Variants in FARP1 observed in about 807,000 individuals in gnomAD.
FARP1 encodes the protein FERM, ARHGEF and pleckstrin domain-containing protein 1.
A neutral mutation model predicts 128.8 loss-of-function variants in FARP1; 52 were observed. The observed-to-expected ratio is 0.40, with a 90% CI of 0.32 to 0.51. FARP1 has a LOEUF of 0.51. Ranked by LOEUF, FARP1 falls within the 20% of genes least tolerant of loss-of-function variation. The probability of loss-of-function intolerance (pLI) is 0.45; values close to 1 mark genes in which losing one functional copy is unlikely to be tolerated. For synonymous variants in FARP1, 580 were observed against 551.8 expected, an observed-to-expected ratio of 1.05 and a Z score of -0.72; for missense variants, 1,333 against 1,367.9, an observed-to-expected ratio of 0.97 and a Z score of 0.40.
intron 2 of FARP1, among the ~76,000 whole-genome samples, chr13:98,270,432 G>T (rs1200722656): frequency 6.6e-6 from 1 of 152,216 alleles, no homozygotes; most frequent in Admixed American, 6.5e-5. Context: ...GGTTTTAAAT[G>T]TGGACATGGG....
chr13:98,266,485 C>T (rs191566207), intron 2 of FARP1, among the ~76,000 whole-genome samples: 1 of 152,194 alleles, frequency 6.6e-6, no homozygotes, highest in African/African-American at 2.4e-5. Context: ...ACAGCAAACT[C>T]CTATCAGGCC....
At chr13:98,193,643 C>A (rs1378542127) in intron 1 of FARP1, among the ~76,000 whole-genome samples, 2 of 152,230 alleles carry the variant, frequency 1.3e-5, no homozygotes, top group African/African-American at 4.8e-5. Context: ...GCACATTCTT[C>A]AAGTAGCAAC....
At chr13:98,435,743 A>G (rs1159365514) in intron 19 of FARP1, 37 bp downstream of exon 19, 2 of 1,609,246 alleles carry the variant, frequency 1.2e-6, no homozygotes. Flanking sequence ...CTGCGCGGGG[A>G]GCAGAAAGGA....
rs10684013 is a variant in FARP1 at position 98,313,313 on chromosome 13, A to AACACAC, written c.172-30428_172-30423dup. ...GGGTCATAATCCTCCCCTTCCCCCAAACACACACACACACACACACACACA... is the reference window on the plus strand; with the variant it reads ...GGGTCATAATCCTCCCCTTCCCCCAAACACACACACACACACACACACACACACACA... On this transcript the variant is annotated intron_variant, in intron 2 of 26. Transcript: ENST00000319562. 4.3e-3 allele frequency among the ~76,000 whole-genome samples: 605 copies of AACACAC among 139,440 alleles called. 17 individuals are homozygous for AACACAC. The East Asian group carries it at 0.08, about 18-fold the overall frequency. 91.5% of individuals were successfully genotyped at this position (139,440 alleles called of 152,430 possible).
At chr13:98,251,368 C>CT (rs1446790547) in intron 2 of FARP1, among the ~76,000 whole-genome samples, 1 of 152,164 alleles carries the variant, frequency 6.6e-6, no homozygotes, top group African/African-American at 2.4e-5. Flanking sequence ...ATATAGACGA[C>CT]TTTATTTGCT....
intron 1 of FARP1, among the ~76,000 whole-genome samples, chr13:98,187,079 T>G: frequency 6.6e-6 from 1 of 151,844 alleles, no homozygotes; most frequent in East Asian, 1.9e-4. Context: ...TCTTTTGAGT[T>G]TATACCCAGA....
chr13:98,200,187 A>T (rs2139265255), intron 1 of FARP1, among the ~76,000 whole-genome samples: 2 of 152,300 alleles, frequency 1.3e-5, no homozygotes, highest in Admixed American at 1.3e-4. Context: ...GGCACTCACG[A>T]CCTTTGGCAC....
At chr13:98,213,893 G>A (rs935502798) in intron 2 of FARP1, among the ~76,000 whole-genome samples, 1 of 152,110 alleles carries the variant, frequency 6.6e-6, no homozygotes, top group African/African-American at 2.4e-5. Context: ...AAAGAGCCAC[G>A]TGTGTTTTCA....
In FARP1 at chr13:98,449,687, A is replaced by G. The variant is rs1268632374; in HGVS notation, c.*1370A>G. 6.6e-6 allele frequency: 1 copy of G among 152,540 alleles called. No homozygotes were observed. Among genetic ancestry groups the G allele is most frequent in the Non-Finnish European group, 1.5e-5 (1 of 68,024 alleles). The allele number at this position is 152,540 out of a possible 1,614,324, so 9.4% of individuals were successfully genotyped here. ...GTTAATCATTTGCCTTACAAGATGTACCAGACGGTTTCCAGTACTAACAAA... is the reference window on the plus strand; with the variant it reads ...GTTAATCATTTGCCTTACAAGATGTGCCAGACGGTTTCCAGTACTAACAAA... On this transcript the variant is annotated 3_prime_UTR_variant, in exon 27 of 27. Coordinates refer to ENST00000319562, the MANE Select transcript of FARP1 (RefSeq NM_005766.4).
intron 1 of FARP1, 61 bp downstream of exon 1, chr13:98,143,553 C>CG (rs1566657009): frequency 6.7e-6 from 1 of 149,678 alleles, no homozygotes; most frequent in East Asian, 2.0e-4. Context: ...GGGGTCCGGG[C>CG]CGCGGGCGGC....
rs1000284675 is a variant in FARP1, at chr13:98,453,348, A to G, written c.*5031A>G. The G allele has an allele frequency of 1.2e-6, 1 of 831,464 alleles. No homozygotes were observed. The highest frequency in any genetic ancestry group is 1.7e-5 in the African/African-American group (1 of 57,846). The allele number at this position is 831,464 out of a possible 1,614,324, so 51.5% of individuals were successfully genotyped here. The stretch of plus-strand genomic sequence containing the variant: ...ATAAGTGGAGCAAATATCAATGTGT[A>G]AGTCTAATTTTAAAAGAATGCATAT... On this transcript the variant is annotated 3_prime_UTR_variant, in exon 27 of 27. Coordinates refer to ENST00000319562, the MANE Select transcript of FARP1 (RefSeq NM_005766.4).
At chr13:98,408,608 C>T (rs1243269911) in intron 13 of FARP1, among the ~76,000 whole-genome samples, 8 of 152,124 alleles carry the variant, frequency 5.3e-5, no homozygotes, top group Admixed American at 5.2e-4. Context: ...GGATTACAGG[C>T]GCGAGCCACT....
intron 24 of FARP1, among the ~76,000 whole-genome samples, chr13:98,443,965 G>A (rs941421394): frequency 6.6e-6 from 1 of 152,072 alleles, no homozygotes; most frequent in African/African-American, 2.4e-5. Context: ...ACCAACCTCA[G>A]ACTGGGTGAG....
intron 1 of FARP1, among the ~76,000 whole-genome samples, chr13:98,209,244 G>A (rs1184619024): frequency 6.6e-6 from 1 of 151,740 alleles, no homozygotes; most frequent in Non-Finnish European, 1.5e-5. Flanking sequence ...TCCTGACCTC[G>A]TGATCCACCC....
intron 3 of FARP1, 96 bp from the exon 4 acceptor site, chr13:98,365,299 A>G: frequency 2.1e-6 from 2 of 941,562 alleles, no homozygotes; most frequent in Admixed American, 2.0e-5. Flanking sequence ...ATCCTCAAAA[A>G]TATTTTGATT....
At chr13:98,346,984 A>G (rs1490981683) in intron 3 of FARP1, among the ~76,000 whole-genome samples, 5 of 152,254 alleles carry the variant, frequency 3.3e-5, no homozygotes, top group East Asian at 3.8e-4. Flanking sequence ...CCAAAATGCA[A>G]TGAAAGCACA....
intron 24 of FARP1, 93 bp from the exon 25 acceptor site, chr13:98,446,005 C>G (rs1427734927): frequency 1.2e-6 from 1 of 846,080 alleles, no homozygotes; most frequent in African/African-American, 1.7e-5. Flanking sequence ...CGGACATGCC[C>G]CAGCCCAGGG....
At chr13:98,417,457 A>G (rs9517285) in intron 16 of FARP1, among the ~76,000 whole-genome samples, 752 of 63,180 alleles carry the variant, frequency 0.012, 23 homozygotes, top group Middle Eastern at 0.044. Context: ...AGAGGTTTGA[A>G]AAAAAAAAAA....
chr13:98,338,674 T>C (rs994417137), intron 2 of FARP1: 11 of 152,156 alleles, frequency 7.2e-5, no homozygotes, highest in African/African-American at 2.2e-4. Context: ...TACTCAGAAG[T>C]GAGATCGCTG....
Sources: gnomAD v4.1 joint callset for allele counts (sites outside exome capture counted in the v4.1 genomes callset) on GRCh38, gnomAD v4.1.1 for gene constraint, MANE v1.5 for transcripts, NCBI Gene and HGNC (gene_info 2026-07-23, HGNC 2026-07-21) for gene names.